Variants in SLC9A2 observed in about 807,000 individuals in gnomAD.
The protein encoded by SLC9A2 is sodium/hydrogen exchanger 2.
In SLC9A2, 42 loss-of-function variants were observed where a neutral mutation model predicts 71.7. That is an observed-to-expected ratio of 0.59 (90% CI 0.46 to 0.76). The LOEUF (loss-of-function observed/expected upper bound fraction) is 0.76, where lower values mean the gene tolerates loss of function less well. Among genes scored for constraint, SLC9A2 ranks in the 30% least tolerant of loss-of-function variants. The probability of loss-of-function intolerance (pLI) is 0.00; values close to 1 mark genes in which losing one functional copy is unlikely to be tolerated. For synonymous variants in SLC9A2, 396 were observed against 392.5 expected, an observed-to-expected ratio of 1.01 and a Z score of -0.10; for missense variants, 829 against 1,017.4, an observed-to-expected ratio of 0.81 and a Z score of 2.52.
intron 5 of SLC9A2, among the ~76,000 whole-genome samples, chr2:102,687,551 G>A (rs1677570144): frequency 6.6e-6 from 1 of 151,988 alleles, no homozygotes. Flanking sequence ...CTTTAAATAT[G>A]TTTTTCTCCC....
chr2:102,627,260 C>A (rs986951967), intron 1 of SLC9A2, among the ~76,000 whole-genome samples: 1 of 152,148 alleles, frequency 6.6e-6, no homozygotes, highest in African/African-American at 2.4e-5. Flanking sequence ...TTACAGTGAT[C>A]TGCGATGATG....
intron 1 of SLC9A2, among the ~76,000 whole-genome samples, chr2:102,621,466 TTCA>T (rs1182935907): frequency 6.6e-6 from 1 of 152,172 alleles, no homozygotes; most frequent in Non-Finnish European, 1.5e-5. Context: ...CCCAGAAACT[TTCA>T]TGTTATGAGC....
At chr2:102,678,369 G>T (rs936704322) in intron 3 of SLC9A2, among the ~76,000 whole-genome samples, 2 of 151,944 alleles carry the variant, frequency 1.3e-5, no homozygotes, top group Admixed American at 6.6e-5. Context: ...CATGAAAAGG[G>T]GGGGGAAGGA....
Position 102,708,753 on chromosome 2 carries a change from G to A in SLC9A2, c.*264G>A. The A allele has an allele frequency of 2.6e-6, 1 of 384,140 alleles. No homozygotes were observed. Among genetic ancestry groups the A allele is most frequent in the Non-Finnish European group, 4.6e-6 (1 of 215,186 alleles). The allele number at this position is 384,140 out of a possible 1,614,324, so 23.8% of individuals were successfully genotyped here. On this transcript the variant is annotated 3_prime_UTR_variant, in exon 12 of 12. Coordinates refer to ENST00000233969, the MANE Select transcript of SLC9A2 (RefSeq NM_003048.6). ...GCCTGAAGAGAAAAAATGGTAATGT[G>A]TGCCTTTATTGAACTTGAATGACAG...
chr2:102,641,869 TG>T (rs1349464274), intron 1 of SLC9A2, among the ~76,000 whole-genome samples: 2 of 85,952 alleles, frequency 2.3e-5, no homozygotes, highest in South Asian at 4.2e-4. Flanking sequence ...GGACACAGGG[TG>T]GGGAACATCA....
At chr2:102,676,538 A>G (rs953726717) in intron 3 of SLC9A2, among the ~76,000 whole-genome samples, 5 of 152,232 alleles carry the variant, frequency 3.3e-5, no homozygotes, top group African/African-American at 4.8e-5. Context: ...GACAGTTTCA[A>G]TGTACTTTAT....
intron 1 of SLC9A2, among the ~76,000 whole-genome samples, chr2:102,631,923 C>G (rs941700480): frequency 1.4e-5 from 2 of 145,704 alleles, no homozygotes; most frequent in Non-Finnish European, 3.0e-5. Context: ...TCCACATCTG[C>G]CATTAACTTG....
chr2:102,705,030 C>T (rs372193351), intron 10 of SLC9A2, among the ~76,000 whole-genome samples: 10 of 152,020 alleles, frequency 6.6e-5, no homozygotes, highest in African/African-American at 2.4e-4. Flanking sequence ...GGTGAAACCC[C>T]ATCTCTACTA....
chr2:102,697,099 A>G (rs1012873253), intron 7 of SLC9A2, among the ~76,000 whole-genome samples: 4 of 152,060 alleles, frequency 2.6e-5, no homozygotes, highest in African/African-American at 9.7e-5. Context: ...TCCCCTCAGT[A>G]CTTTTCTGAA....
chr2:102,670,011 A>AT (rs138732805), intron 3 of SLC9A2, among the ~76,000 whole-genome samples: 6,759 of 137,598 alleles, frequency 0.049, 506 homozygotes, highest in East Asian at 0.4. Context: ...AGTGCCCAAT[A>AT]TTTTTTTTAT....
In SLC9A2 at chr2:102,708,375, A is replaced by G. The variant is rs778326569; in HGVS notation, c.2325A>G (p.Ser775=). The G allele has an allele frequency of 5.6e-6, 9 of 1,614,124 alleles. No homozygotes were observed. Among genetic ancestry groups the G allele is most frequent in the Middle Eastern group, 3.3e-4 (2 of 6,084 alleles). The change falls in exon 12 of 12, where the codon TCA becomes TCG. Residue 775 remains serine (S), a synonymous_variant. Transcript: ENST00000233969. ...TTCTCTCTAAAGACCAGTCTGGCTC[A>G]GAGAGGGAAGACAGTTTGACTGAAG... ...QPLLSKDQSG[S]EREDSLTEGI...
Position 102,708,151 on chromosome 2 carries a change from G to C in SLC9A2, c.2101G>C (p.Gly701Arg). 3 of 1,613,754 alleles carry C rather than the reference G, an allele frequency of 1.9e-6. No homozygotes were observed. The highest frequency in any genetic ancestry group is 2.5e-6 in the Non-Finnish European group (3 of 1,179,882). ...TAGCAGCGACTCAGACGCAGATGCC[G>C]GGACCACCGTGCTCAATTTGCAGCC... ...GNSSDSDADA[G>R]TTVLNLQPRA... The change falls in exon 12 of 12, where the codon GGG (glycine) becomes CGG (arginine). Residue 701 changes from glycine (G) to arginine (R), a missense_variant. Physicochemically the swap from Gly to Arg is moderately radical, Grantham distance 125 (BLOSUM62 -2). Coordinates refer to ENST00000233969, the MANE Select transcript of SLC9A2 (RefSeq NM_003048.6).
intron 1 of SLC9A2, among the ~76,000 whole-genome samples, chr2:102,645,385 G>A (rs551955477): frequency 2.2e-4 from 34 of 152,216 alleles, no homozygotes; most frequent in Admixed American, 9.2e-4. Context: ...AAACCAGAAT[G>A]CCTCTTCTCC....
intron 8 of SLC9A2, among the ~76,000 whole-genome samples, chr2:102,701,975 G>T (rs1288863988): frequency 6.6e-6 from 1 of 152,130 alleles, no homozygotes; most frequent in Non-Finnish European, 1.5e-5. Context: ...AGGATTGACT[G>T]GATATACATA....
At chr2:102,622,458 T>G (rs1282157553) in intron 1 of SLC9A2, among the ~76,000 whole-genome samples, 2 of 152,232 alleles carry the variant, frequency 1.3e-5, no homozygotes, top group Non-Finnish European at 2.9e-5. Context: ...TTTAATCAGA[T>G]TAGTTACAAT....
chr2:102,666,880 T>C (rs1380000812), intron 3 of SLC9A2, among the ~76,000 whole-genome samples: 1 of 152,184 alleles, frequency 6.6e-6, no homozygotes, highest in Non-Finnish European at 1.5e-5. Context: ...GGACCTGCCA[T>C]ACATATTTAG....
intron 1 of SLC9A2, among the ~76,000 whole-genome samples, chr2:102,654,909 A>C (rs1003845228): frequency 6.6e-6 from 1 of 152,228 alleles, no homozygotes; most frequent in African/African-American, 2.4e-5. Flanking sequence ...ATATCTAGAC[A>C]TAGAAAAGGC....
chr2:102,635,922 G>A (rs1248353245), intron 1 of SLC9A2, among the ~76,000 whole-genome samples: 1 of 149,600 alleles, frequency 6.7e-6, no homozygotes, highest in South Asian at 2.1e-4. Context: ...TTTTTATTTG[G>A]TCTTGTTTCA....
In SLC9A2 at chr2:102,710,443, C is replaced by T. The variant is rs1678083819; in HGVS notation, c.*1954C>T. ...TTTTCCCAGTTTCCTATGTTTATAA[C>T]TATTATAAAGAGTTTAACTTTCTGG... On this transcript the variant is annotated 3_prime_UTR_variant, in exon 12 of 12. Coordinates refer to ENST00000233969, the MANE Select transcript of SLC9A2 (RefSeq NM_003048.6). 1 of 142,490 alleles carries T rather than the reference C, an allele frequency of 7.0e-6. No individual in the cohort carries two copies. The highest frequency in any genetic ancestry group is 1.6e-5 in the Non-Finnish European group (1 of 62,308). 8.8% of individuals were successfully genotyped at this position (142,490 alleles called of 1,614,324 possible). A position where few individuals can be genotyped will look rare whatever the true frequency, so the allele number is the denominator to read the frequency against.
Sources: gnomAD v4.1 joint callset for allele counts (sites outside exome capture counted in the v4.1 genomes callset) on GRCh38, gnomAD v4.1.1 for gene constraint, MANE v1.5 for transcripts, NCBI Gene and HGNC (gene_info 2026-07-23, HGNC 2026-07-21) for gene names.